PTPRD: variants seen among roughly 807,000 people sequenced by gnomAD.
PTPRD encodes receptor-type tyrosine-protein phosphatase delta.
A neutral mutation model predicts 214.5 loss-of-function variants in PTPRD; 34 were observed. That is an observed-to-expected ratio of 0.16 (90% CI 0.12 to 0.21). The LOEUF (loss-of-function observed/expected upper bound fraction) is 0.21, where lower values mean the gene tolerates loss of function less well. Among genes scored for constraint, PTPRD ranks in the 10% least tolerant of loss-of-function variants. The pLI is 1.00. For synonymous variants in PTPRD, 1,128 were observed against 845.7 expected (o/e 1.33, Z -5.79); for missense variants, 2,545 against 2,398.7 (o/e 1.06, Z -1.27).
intron 9 of PTPRD, among the ~76,000 whole-genome samples, chr9:9,189,230 G>C (rs2099933579): frequency 6.6e-6 from 1 of 151,924 alleles, no homozygotes; most frequent in Non-Finnish European, 1.5e-5. Flanking sequence ...CTAGAGTCAG[G>C]AAAAATCATG....
chr9:9,426,088 G>A (rs1369134268), intron 8 of PTPRD, among the ~76,000 whole-genome samples: 1 of 152,122 alleles, frequency 6.6e-6, no homozygotes, highest in African/African-American at 2.4e-5. Context: ...CCCACTGACT[G>A]TGAGCTGAAG....
intron 2 of PTPRD, among the ~76,000 whole-genome samples, chr9:10,507,531 C>T (rs2046435039): frequency 6.6e-6 from 1 of 152,124 alleles, no homozygotes; most frequent in Admixed American, 6.6e-5. Flanking sequence ...AGGAATCACG[C>T]TACCTGACTT....
At chr9:9,474,934 G>T (rs2094912832) in intron 8 of PTPRD, among the ~76,000 whole-genome samples, 1 of 151,818 alleles carries the variant, frequency 6.6e-6, no homozygotes, top group South Asian at 2.1e-4. Context: ...TTCTTTCTCT[G>T]GCCTAACTTC....
chr9:8,614,913 T>G (rs183049707), intron 14 of PTPRD, among the ~76,000 whole-genome samples: 26 of 152,230 alleles, frequency 1.7e-4, no homozygotes, highest in African/African-American at 7.2e-5. Flanking sequence ...ATTTTCCCAC[T>G]TTCTGAACTA....
intron 9 of PTPRD, among the ~76,000 whole-genome samples, chr9:9,357,317 C>T (rs1160046079): frequency 6.6e-6 from 1 of 151,280 alleles, no homozygotes; most frequent in East Asian, 1.9e-4. Context: ...TAAATTCCTG[C>T]TTCTACTCAT....
At chr9:9,567,838 T>C (rs2085063759) in intron 8 of PTPRD, among the ~76,000 whole-genome samples, 1 of 151,954 alleles carries the variant, frequency 6.6e-6, no homozygotes, top group Non-Finnish European at 1.5e-5. Context: ...CTGGGGCATA[T>C]GACACATTTG....
chr9:9,185,819 CTAGT>C (rs993655569), intron 9 of PTPRD, among the ~76,000 whole-genome samples: 5 of 151,618 alleles, frequency 3.3e-5, no homozygotes, highest in African/African-American at 7.3e-5. Flanking sequence ...GTTGGATTTA[CTAGT>C]TAAAGACACC....
intron 8 of PTPRD, among the ~76,000 whole-genome samples, chr9:9,449,235 T>G (rs1191465947): frequency 6.6e-6 from 1 of 152,058 alleles, no homozygotes; most frequent in African/African-American, 2.4e-5. Context: ...ATTTTGGAAT[T>G]ATAGATATTG....
chr9:9,637,661 C>G (rs1278227046), intron 7 of PTPRD, among the ~76,000 whole-genome samples: 6 of 152,192 alleles, frequency 3.9e-5, no homozygotes, highest in Non-Finnish European at 8.8e-5. Context: ...TGAGGCCTTT[C>G]CAGGCTGCTA....
At chr9:9,481,335 C>A (rs867749179) in intron 8 of PTPRD, among the ~76,000 whole-genome samples, 1 of 152,080 alleles carries the variant, frequency 6.6e-6, no homozygotes, top group African/African-American at 2.4e-5. Context: ...ATTTGATTAG[C>A]CTTGCTGATC....
chr9:10,317,855 C>G (rs2096472280), intron 3 of PTPRD, among the ~76,000 whole-genome samples: 1 of 151,930 alleles, frequency 6.6e-6, no homozygotes, highest in Non-Finnish European at 1.5e-5. Context: ...ACATGTGATA[C>G]ATATGTATAA....
At chr9:8,521,950 G>A (rs553032832) in intron 19 of PTPRD, among the ~76,000 whole-genome samples, 1 of 152,200 alleles carries the variant, frequency 6.6e-6, no homozygotes, top group African/African-American at 2.4e-5. Context: ...GCATGTTTAA[G>A]TTGAGTATCA....
chr9:9,540,522 C>G (rs953495564), intron 8 of PTPRD, among the ~76,000 whole-genome samples: 5 of 151,742 alleles, frequency 3.3e-5, no homozygotes, highest in African/African-American at 1.2e-4. Flanking sequence ...CAGGTTGAAA[C>G]AGCCAGAGAC....
chr9:9,119,644 C>G (rs1418605006), intron 10 of PTPRD, among the ~76,000 whole-genome samples: 1 of 151,970 alleles, frequency 6.6e-6, no homozygotes, highest in African/African-American at 2.4e-5. Context: ...CTGCCTCAGC[C>G]TCCTGAGTAG....
At chr9:8,820,817 T>A (rs1234679311) in intron 11 of PTPRD, among the ~76,000 whole-genome samples, 1 of 152,176 alleles carries the variant, frequency 6.6e-6, no homozygotes, top group Non-Finnish European at 1.5e-5. Flanking sequence ...ACCTCTATAT[T>A]ATGTTCCACT....
At chr9:8,713,421 T>C in intron 12 of PTPRD, 1 of 1,097,248 alleles carries the variant, frequency 9.1e-7, no homozygotes, top group Non-Finnish European at 1.4e-6. Context: ...CACCTAATCG[T>C]GTCGTCGCCA....
chr9:9,339,088 T>C (rs1208612583), intron 9 of PTPRD, among the ~76,000 whole-genome samples: 4 of 152,146 alleles, frequency 2.6e-5, no homozygotes, highest in Admixed American at 1.3e-4. Context: ...CCAGTGCCAT[T>C]GGGAGGGCTT....
intron 7 of PTPRD, among the ~76,000 whole-genome samples, chr9:9,720,655 T>C (rs1360717619): frequency 6.6e-6 from 1 of 152,030 alleles, no homozygotes; most frequent in South Asian, 2.1e-4. Flanking sequence ...ATTGAGACAG[T>C]GCAAAAAATA....
chr9:9,760,494 T>A (rs959037430), intron 6 of PTPRD, among the ~76,000 whole-genome samples: 3 of 151,920 alleles, frequency 2.0e-5, no homozygotes, highest in Admixed American at 6.6e-5. Context: ...TTTATTTCTA[T>A]CCTTTATTGC....
Sources: gnomAD v4.1 joint callset for allele counts (sites outside exome capture counted in the v4.1 genomes callset) on GRCh38, gnomAD v4.1.1 for gene constraint, MANE v1.5 for transcripts, NCBI Gene and HGNC (gene_info 2026-07-23, HGNC 2026-07-21) for gene names.